The following PARVB variants were observed in gnomAD, a reference collection of about 807,000 sequenced individuals.
The protein encoded by PARVB is parvin beta.
In PARVB, 46 loss-of-function variants were observed where a neutral mutation model predicts 47.0. That is an observed-to-expected ratio of 0.98 (90% CI 0.77 to 1.25). The LOEUF is 1.25. PARVB is among the 50% of genes most tolerant of loss of function. The pLI is 0.00. For missense variants in PARVB, 473 were observed against 471.6 expected (o/e 1.00, Z -0.03); for synonymous variants, 196 against 196.3 (o/e 1.00, Z 0.01).
intron 1 of PARVB, among the ~76,000 whole-genome samples, chr22:44,086,245 A>G (rs1408529994): frequency 1.3e-5 from 2 of 152,202 alleles, no homozygotes; most frequent in Non-Finnish European, 2.9e-5. Flanking sequence ...TCTCGGCAAA[A>G]ACAAACTACA....
chr22:44,118,642 C>G (rs904731512), intron 3 of PARVB, among the ~76,000 whole-genome samples: 2 of 152,188 alleles, frequency 1.3e-5, no homozygotes, highest in African/African-American at 4.8e-5. Context: ...AAGGTGAACA[C>G]GAGATGCTCT....
chr22:43,999,504 CA>C, intron 1 of PARVB: 1 of 1,561,690 alleles, frequency 6.4e-7, no homozygotes, highest in Non-Finnish European at 8.8e-7. Context: ...CTGGATCCGA[CA>C]AACAAAAAAT....
chr22:44,136,242 G>A (rs929694270), intron 6 of PARVB, among the ~76,000 whole-genome samples: 1 of 152,174 alleles, frequency 6.6e-6, no homozygotes, highest in African/African-American at 2.4e-5. Context: ...GGGTGGGGAG[G>A]AGGATAGGGA....
At position 44,131,554 on chromosome 22, in the gene PARVB, G is replaced by A. The variant is rs754939877; in HGVS notation, c.444G>A (p.Lys148=). 3.7e-6 allele frequency: 6 copies of A among 1,614,164 alleles called. No homozygotes were observed. The East Asian group carries it at 1.1e-4, about 30-fold the overall frequency. The change falls in exon 5 of 13, where the codon AAG becomes AAA. Residue 148 remains lysine (K), a synonymous_variant. Transcript: ENST00000338758. ...VTQSEIGQKQ[K]LQTVLEAVHD... is the part of the protein sequence containing the mutation. ...AGTCCGAAATAGGGCAGAAACAGAA[G>A]CTGCAGACGGTGCTGGAAGCAGTAC...
At chr22:44,010,773 C>T (rs922277661) in intron 2 of PARVB, among the ~76,000 whole-genome samples, 1 of 151,342 alleles carries the variant, frequency 6.6e-6, no homozygotes, top group Non-Finnish European at 1.5e-5. Context: ...GATGAGTTTA[C>T]GTTTTAAATG....
intron 1 of PARVB, among the ~76,000 whole-genome samples, chr22:44,075,724 C>T (rs1438436222): frequency 6.6e-6 from 1 of 152,228 alleles, no homozygotes; most frequent in Admixed American, 6.5e-5. Context: ...GTTTTTCACT[C>T]AGTGAGATGC....
chr22:44,117,853 G>C (rs1016845044), intron 3 of PARVB, among the ~76,000 whole-genome samples: 1 of 152,016 alleles, frequency 6.6e-6, no homozygotes, highest in African/African-American at 2.4e-5. Context: ...TCCTTGCACA[G>C]GAAAATCACA....
intron 1 of PARVB, among the ~76,000 whole-genome samples, chr22:44,093,248 TGAG>T (rs1349864977): frequency 1.3e-5 from 2 of 152,198 alleles, no homozygotes; most frequent in Non-Finnish European, 2.9e-5. Context: ...TGCAGGGAGA[TGAG>T]GGGTCATTTC....
At chr22:44,013,586 A>C (rs972928374) in intron 2 of PARVB, among the ~76,000 whole-genome samples, 1 of 152,202 alleles carries the variant, frequency 6.6e-6, no homozygotes, top group Non-Finnish European at 1.5e-5. Context: ...GCTCTTTTGC[A>C]TCTGTCTGGC....
chr22:44,145,775 C>CT (rs2053651129), intron 8 of PARVB: 1 of 152,224 alleles, frequency 6.6e-6, no homozygotes, highest in African/African-American at 2.4e-5. Context: ...AGTGGCTTGA[C>CT]TCTGCCAGCC....
chr22:44,136,807 A>G (rs1305939250), intron 7 of PARVB, among the ~76,000 whole-genome samples: 1 of 152,224 alleles, frequency 6.6e-6, no homozygotes, highest in Non-Finnish European at 1.5e-5. Flanking sequence ...GGGCAGGCAG[A>G]GAGAGTTCAG....
intron 7 of PARVB, 138 bp downstream of exon 7, chr22:44,136,656 T>A: frequency 4.2e-6 from 3 of 706,712 alleles, no homozygotes; most frequent in Non-Finnish European, 7.7e-6. Flanking sequence ...CATGTGATTC[T>A]CATGCTGGTT....
At chr22:44,132,239 G>T (rs1269347791) in intron 5 of PARVB, among the ~76,000 whole-genome samples, 1 of 152,162 alleles carries the variant, frequency 6.6e-6, no homozygotes, top group Non-Finnish European at 1.5e-5. Flanking sequence ...AGACCCTGGA[G>T]CCTGGCCTTG....
At position 44,123,275 on chromosome 22, in the gene PARVB, G is replaced by A. The variant is rs1052420520; in HGVS notation, c.376+4135G>A. On this transcript the variant is annotated intron_variant, in intron 4 of 12. Transcript: ENST00000338758. Reference sequence around the variant, plus strand: ...AGATTTGGCACCGGATGGGTCATTGGTGGCCCAGATGAGAGCAGTTTTGGC... The same window carrying A: ...AGATTTGGCACCGGATGGGTCATTGATGGCCCAGATGAGAGCAGTTTTGGC... Among the ~76,000 whole-genome samples the A allele has an allele frequency of 5.9e-5, 9 of 152,212 alleles. No homozygotes were observed. The East Asian group carries it at 1.5e-3, about 26-fold the overall frequency.
intron 12 of PARVB, among the ~76,000 whole-genome samples, chr22:44,164,468 A>G (rs767811227): frequency 2.7e-5 from 4 of 150,674 alleles, no homozygotes; most frequent in Non-Finnish European, 5.9e-5. Context: ...CTGAGTGAGC[A>G]TCACAGTTCC....
chr22:44,036,811 T>C (rs939655715), intron 1 of PARVB, among the ~76,000 whole-genome samples: 3 of 150,496 alleles, frequency 2.0e-5, no homozygotes, highest in African/African-American at 2.4e-5. Context: ...TTATTAAAAA[T>C]TAAAAAAAAA....
At chr22:44,098,967 C>G (rs912406274) in intron 2 of PARVB, among the ~76,000 whole-genome samples, 1 of 152,166 alleles carries the variant, frequency 6.6e-6, no homozygotes, top group Non-Finnish European at 1.5e-5. Context: ...GAGCCACTTA[C>G]GCTCAGCTTC....
chr22:44,066,118 C>T (rs572634735), intron 1 of PARVB, among the ~76,000 whole-genome samples: 28 of 152,166 alleles, frequency 1.8e-4, no homozygotes, highest in Non-Finnish European at 3.4e-4. Context: ...ATCTATTGAG[C>T]GCCTACTGTG....
At position 44,091,723 on chromosome 22, in the gene PARVB, G is replaced by A. The variant is rs530855579; in HGVS notation, c.113-2205G>A. On this transcript the variant is annotated intron_variant, in intron 1 of 12. Transcript: ENST00000338758. ...TACCTTTTGCTTACTCATTCATCTGGTGTTCTCAAATGCCAAGACTCAGTG... is the reference window on the plus strand; with the variant it reads ...TACCTTTTGCTTACTCATTCATCTGATGTTCTCAAATGCCAAGACTCAGTG... Among the ~76,000 whole-genome samples, 19 of 152,280 alleles carry A rather than the reference G, an allele frequency of 1.2e-4. No individual in the cohort carries two copies. In the East Asian group the frequency reaches 3.7e-3, roughly 29 times the overall value.
Sources: gnomAD v4.1 joint callset for allele counts (sites outside exome capture counted in the v4.1 genomes callset) on GRCh38, gnomAD v4.1.1 for gene constraint, MANE v1.5 for transcripts, NCBI Gene and HGNC (gene_info 2026-07-23, HGNC 2026-07-21) for gene names.